Variants in ZC3H4 observed in about 807,000 individuals in gnomAD.
ZC3H4 encodes the protein zinc finger CCCH domain-containing protein 4.
A neutral mutation model predicts 108.3 loss-of-function variants in ZC3H4; 13 were observed. The observed-to-expected ratio is 0.12, with a 90% CI of 0.08 to 0.19. The LOEUF (loss-of-function observed/expected upper bound fraction) is 0.19, where lower values mean the gene tolerates loss of function less well. Ranked by LOEUF, ZC3H4 falls within the 10% of genes least tolerant of loss-of-function variation. The probability of loss-of-function intolerance (pLI) is 1.00; values close to 1 mark genes in which losing one functional copy is unlikely to be tolerated. For missense variants in ZC3H4, 1,734 were observed against 1,838.8 expected (o/e 0.94, Z 1.04); for synonymous variants, 917 against 749.6 (o/e 1.22, Z -3.65).
In ZC3H4 at chr19:47,066,945, C is replaced by T; in HGVS notation, c.3323G>A (p.Ser1108Asn). Reference protein sequence around the residue: ...GPAEAPSPTASPSGDASPPAT... With the variant: ...GPAEAPSPTANPSGDASPPAT... ...TGGTGGGGAGGCATCCCCACTCGGG[C>T]TGGCGGTGGGAGAGGGCGCCTCAGC... is the stretch of plus-strand genomic sequence containing the variant. Residue 1108 changes from serine (S) to asparagine (N), a missense_variant, in exon 15 of 15, where the codon AGC (serine) becomes AAC (asparagine). This residue lies in a region of ZC3H4 where 518 missense variants were observed against 499.6 expected (regional missense o/e 1.04). Coordinates refer to ENST00000253048, the MANE Select transcript of ZC3H4 (RefSeq NM_015168.2). 1 of 1,594,676 alleles carries T rather than the reference C, an allele frequency of 6.3e-7. No individual in the cohort carries two copies. The highest frequency in any genetic ancestry group is 8.5e-7 in the Non-Finnish European group (1 of 1,172,224).
intron 2 of ZC3H4, 22 bp from the exon 3 acceptor site, chr19:47,094,630 A>G (rs1736382385): frequency 7.4e-6 from 12 of 1,611,608 alleles, no homozygotes; most frequent in Non-Finnish European, 1.0e-5. Context: ...CCCCAATCCC[A>G]CCATGAACAC....
At chr19:47,112,686 G>A (rs376996866) in intron 1 of ZC3H4, 97 bp from the exon 2 acceptor site, 9 of 701,286 alleles carry the variant, frequency 1.3e-5, no homozygotes, top group African/African-American at 1.1e-4. Flanking sequence ...TGGGAATGGG[G>A]TATATATTTT....
chr19:47,078,143 G>A (rs2057455402), intron 11 of ZC3H4, among the ~76,000 whole-genome samples: 1 of 151,886 alleles, frequency 6.6e-6, no homozygotes, highest in Non-Finnish European at 1.5e-5. Context: ...CATACAAAAA[G>A]CCCCCCTAAA....
intron 2 of ZC3H4, chr19:47,111,024 G>C (rs1600122139): frequency 1.5e-6 from 1 of 662,766 alleles, no homozygotes; most frequent in Non-Finnish European, 1.9e-6. Context: ...AGCCTGGCAA[G>C]GGAAGCCCTG....
In ZC3H4 at chr19:47,067,704, G is replaced by A; in HGVS notation, c.2564C>T (p.Thr855Ile). 2.5e-6 allele frequency: 4 copies of A among 1,604,894 alleles called. No homozygotes were observed. The highest frequency in any genetic ancestry group is 1.3e-5 in the African/African-American group (1 of 74,978). ...GDPRLQKGHP[T>I]GSRLADPRLS... is the part of the protein sequence containing the mutation. ...GCGAGGGTCAGCCAGCCGGCTTCCT[G>A]TGGGGTGTCCCTTCTGGAGGCGGGG... Residue 855 changes from threonine (T) to isoleucine (I), a missense_variant, in exon 15 of 15, where the codon ACA becomes ATA. Coordinates refer to ENST00000253048, the MANE Select transcript of ZC3H4 (RefSeq NM_015168.2). This position sits in a 1 kb window ranked among gnomAD's most constrained non-coding sequence, Gnocchi z 6.4.
chr19:47,077,544 C>T (rs1287222173), intron 11 of ZC3H4, among the ~76,000 whole-genome samples: 3 of 151,796 alleles, frequency 2.0e-5, no homozygotes, highest in African/African-American at 7.3e-5. Context: ...TTAAAGCACT[C>T]AGATAAATTT....
intron 2 of ZC3H4, chr19:47,112,132 A>C: frequency 1.9e-6 from 2 of 1,058,822 alleles, no homozygotes; most frequent in Non-Finnish European, 1.1e-6. Context: ...GGGGGGTCCG[A>C]GGGGCGCCTC....
chr19:47,095,830 G>C (rs1440724456), intron 2 of ZC3H4, among the ~76,000 whole-genome samples: 1 of 152,216 alleles, frequency 6.6e-6, no homozygotes, highest in Admixed American at 6.5e-5. Context: ...GCTTGCGTGA[G>C]AGCATCCAAC....
At chr19:47,097,309 A>AT (rs1405252537) in intron 2 of ZC3H4, among the ~76,000 whole-genome samples, 5 of 152,268 alleles carry the variant, frequency 3.3e-5, no homozygotes, top group Admixed American at 2.6e-4. Context: ...AATACATAGG[A>AT]TTTTTTTGTT....
intron 6 of ZC3H4, among the ~76,000 whole-genome samples, chr19:47,085,954 C>T (rs2057613661): frequency 6.6e-6 from 1 of 152,126 alleles, no homozygotes; most frequent in African/African-American, 2.4e-5. Context: ...ACCTCCACCT[C>T]CCGGGTTCAA....
rs897304384 is a variant in ZC3H4, at chr19:47,078,056, C to T, written c.1440+3457G>A. ...AATCTCTGTTGGCTTCACAGGTGCCCACTTCCATGAAGCCAAGGGAGATCA... is the reference window on the plus strand; with the variant it reads ...AATCTCTGTTGGCTTCACAGGTGCCTACTTCCATGAAGCCAAGGGAGATCA... On this transcript the variant is annotated intron_variant, in intron 11 of 14. Transcript: ENST00000253048. Among the ~76,000 whole-genome samples the T allele has an allele frequency of 3.9e-5, 6 of 152,112 alleles. No homozygotes were observed. In the South Asian group the frequency reaches 6.2e-4, roughly 16 times the overall value.
At chr19:47,077,371 G>A (rs980805840) in intron 11 of ZC3H4, among the ~76,000 whole-genome samples, 4 of 149,320 alleles carry the variant, frequency 2.7e-5, no homozygotes, top group African/African-American at 9.9e-5. Flanking sequence ...AGGAGGCTGA[G>A]ACAGGAGAAT....
Position 47,072,444 on chromosome 19 carries a change from C to T in ZC3H4, c.1710G>A (p.Leu570=), listed in dbSNP as rs1292604270. 2.5e-6 allele frequency: 4 copies of T among 1,601,892 alleles called. No individual in the cohort carries two copies. Among genetic ancestry groups the T allele is most frequent in the Non-Finnish European group, 3.4e-6 (4 of 1,173,816 alleles). The change falls in exon 12 of 15, where the codon CTG becomes CTA. Residue 570 remains leucine (L), a synonymous_variant. Transcript: ENST00000253048. The surrounding 1 kb of genome is among the most constrained non-coding windows in gnomAD (Gnocchi z 5.6). ...PVHEPLSPQQ[L]QQQDMYNKKI... ...TCTTGTTGTACATGTCCTGCTGCTG[C>T]AGCTGCTGCGGGGACAGTGGCTCAT... is the stretch of plus-strand genomic sequence containing the variant.
chr19:47,092,666 A>G (rs1183168526), intron 4 of ZC3H4, among the ~76,000 whole-genome samples: 2 of 151,920 alleles, frequency 1.3e-5, no homozygotes, highest in Non-Finnish European at 1.5e-5. Flanking sequence ...AAAATACAAA[A>G]ATCAGCCGGG....
chr19:47,111,054 G>A (rs1201783976), intron 2 of ZC3H4: 3 of 345,816 alleles, frequency 8.7e-6, no homozygotes, highest in African/African-American at 2.2e-5. Flanking sequence ...CCCCGGCTAA[G>A]GAAGGGTCCT....
At chr19:47,089,934 C>T in intron 5 of ZC3H4, 33 bp downstream of exon 5, 2 of 1,612,096 alleles carry the variant, frequency 1.2e-6, no homozygotes, top group Non-Finnish European at 1.7e-6. Flanking sequence ...GGCTCCGATG[C>T]CCCAGAGGAG....
chr19:47,111,579 C>A (rs1221491659), intron 2 of ZC3H4, among the ~76,000 whole-genome samples: 2 of 152,130 alleles, frequency 1.3e-5, no homozygotes, highest in African/African-American at 4.8e-5. Context: ...TCCCTCACGT[C>A]ACCTACCTAC....
intron 2 of ZC3H4, among the ~76,000 whole-genome samples, chr19:47,102,450 T>A (rs1449304343): frequency 6.6e-6 from 1 of 152,122 alleles, no homozygotes; most frequent in Non-Finnish European, 1.5e-5. Flanking sequence ...TTCCAAGAAA[T>A]GCCAGAATGA....
intron 11 of ZC3H4, among the ~76,000 whole-genome samples, chr19:47,079,571 A>C (rs1205732384): frequency 6.6e-6 from 1 of 151,932 alleles, no homozygotes; most frequent in Non-Finnish European, 1.5e-5. Flanking sequence ...CCCCTGTCAA[A>C]CAGCTCAGAC....
Sources: gnomAD v4.1 joint callset for allele counts (sites outside exome capture counted in the v4.1 genomes callset) on GRCh38, gnomAD v4.1.1 for gene constraint, gnomAD v4.1.1 regional missense constraint, Gnocchi (gnomAD v3.1) non-coding constraint, MANE v1.5 for transcripts, NCBI Gene and HGNC (gene_info 2026-07-23, HGNC 2026-07-21) for gene names.